LRP1B: variants seen among roughly 807,000 people sequenced by gnomAD.
LRP1B encodes LDL receptor related protein 1B, also known as low-density lipoprotein receptor-related protein 1B.
A neutral mutation model predicts 556.6 loss-of-function variants in LRP1B; 217 were observed. The ratio of observed to expected loss-of-function variants is 0.39; its 90% confidence interval spans 0.35 to 0.44. The LOEUF is 0.44. LRP1B is among the 20% of genes least tolerant of loss of function. The probability of loss-of-function intolerance (pLI) is 1.00; values close to 1 mark genes in which losing one functional copy is unlikely to be tolerated. For synonymous variants in LRP1B, 2,047 were observed against 1,865.8 expected, an observed-to-expected ratio of 1.10 and a Z score of -2.50; for missense variants, 5,053 against 5,620.8, an observed-to-expected ratio of 0.90 and a Z score of 3.23.
intron 22 of LRP1B, among the ~76,000 whole-genome samples, chr2:140,905,119 T>C (rs892810246): frequency 2.0e-5 from 3 of 152,106 alleles, no homozygotes; most frequent in African/African-American, 7.2e-5. Flanking sequence ...CAAACACTAG[T>C]CAGGATCCTC....
At chr2:141,619,007 AT>A (rs1210562255) in intron 2 of LRP1B, among the ~76,000 whole-genome samples, 1 of 152,192 alleles carries the variant, frequency 6.6e-6, no homozygotes, top group Non-Finnish European at 1.5e-5. Flanking sequence ...AGTTTCAAGG[AT>A]TTTATCTGCT....
intron 1 of LRP1B, among the ~76,000 whole-genome samples, chr2:141,983,858 C>G (rs1194402199): frequency 1.3e-5 from 2 of 152,056 alleles, no homozygotes; most frequent in Admixed American, 6.6e-5. Context: ...GTCAGGAGTT[C>G]GACACCGGCC....
rs537198407 is a variant in LRP1B at position 141,006,152 on chromosome 2, G to T, written c.2381-695C>A. Among the ~76,000 whole-genome samples the T allele has an allele frequency of 4.9e-4, 75 of 152,004 alleles. 1 individual carries two copies. The highest frequency in any genetic ancestry group is 1.5e-3 in the African/African-American group (62 of 41,488). ...CCCTTGCAGACTCTCAGATAAAATC[G>T]AGTAATTATTTTTAAATCGACAAGT... On this transcript the variant is annotated intron_variant, in intron 14 of 90. Transcript: ENST00000389484.
At chr2:140,364,865 G>C (rs1342838191) in intron 71 of LRP1B, 82 bp from the exon 72 acceptor site, 4 of 1,274,710 alleles carry the variant, frequency 3.1e-6, no homozygotes, top group Non-Finnish European at 3.3e-6. Context: ...CTGAATCTTA[G>C]CAAACAGTAT....
chr2:141,294,598 G>A (rs1686110185), intron 3 of LRP1B, among the ~76,000 whole-genome samples: 2 of 151,590 alleles, frequency 1.3e-5, no homozygotes, highest in African/African-American at 4.8e-5. Flanking sequence ...AAATTAGCTG[G>A]ATGCCATGGC....
At chr2:140,578,985 G>A (rs76439922) in intron 43 of LRP1B, among the ~76,000 whole-genome samples, 2,263 of 152,098 alleles carry the variant, frequency 0.015, 25 homozygotes, top group Non-Finnish European at 0.019. Context: ...AACAGAAGGA[G>A]GAAGTCTATC....
chr2:140,834,531 C>A (rs1236591389), intron 31 of LRP1B, among the ~76,000 whole-genome samples: 3 of 152,304 alleles, frequency 2.0e-5, no homozygotes, highest in South Asian at 4.1e-4. Context: ...AGCCCCCGCG[C>A]CTGGCCATAA....
chr2:141,952,425 T>C (rs747015714), intron 1 of LRP1B, among the ~76,000 whole-genome samples: 4 of 152,188 alleles, frequency 2.6e-5, no homozygotes, highest in African/African-American at 7.2e-5. Flanking sequence ...TATTTCTATA[T>C]AGATGCCTTG....
At chr2:141,096,740 A>G (rs1343974651) in intron 7 of LRP1B, among the ~76,000 whole-genome samples, 1 of 151,808 alleles carries the variant, frequency 6.6e-6, no homozygotes, top group African/African-American at 2.4e-5. Context: ...ATGGTCAAGT[A>G]ACATTTTAAA....
chr2:140,401,377 G>A (rs549688975), intron 66 of LRP1B, among the ~76,000 whole-genome samples: 38 of 152,278 alleles, frequency 2.5e-4, no homozygotes, highest in African/African-American at 8.4e-4. Context: ...ATCTGGGTGA[G>A]GCTTCCTGCT....
intron 62 of LRP1B, 54 bp from the exon 63 acceptor site, chr2:140,450,715 T>C: frequency 8.1e-7 from 1 of 1,238,954 alleles, no homozygotes; most frequent in Non-Finnish European, 1.2e-6. Context: ...GCATATATAA[T>C]GGATAATTTA....
At chr2:140,372,615 G>T (rs1416225521) in intron 69 of LRP1B, among the ~76,000 whole-genome samples, 3 of 152,020 alleles carry the variant, frequency 2.0e-5, no homozygotes, top group Non-Finnish European at 2.9e-5. Flanking sequence ...CTGCTTCTTA[G>T]CTAGCATCAC....
chr2:142,002,919 G>T (rs967068408), intron 1 of LRP1B, among the ~76,000 whole-genome samples: 5 of 152,114 alleles, frequency 3.3e-5, no homozygotes, highest in Admixed American at 6.5e-5. Flanking sequence ...TCATGTCTTT[G>T]TACTTTTGTT....
intron 7 of LRP1B, among the ~76,000 whole-genome samples, chr2:141,131,032 G>C (rs921581630): frequency 6.6e-5 from 10 of 151,984 alleles, no homozygotes; most frequent in African/African-American, 2.4e-4. Context: ...TAACACATGT[G>C]GAACTTAAAA....
intron 2 of LRP1B, among the ~76,000 whole-genome samples, chr2:141,497,333 C>T (rs1683543755): frequency 6.6e-6 from 1 of 152,022 alleles, no homozygotes; most frequent in South Asian, 2.1e-4. Flanking sequence ...CCTGCAATTA[C>T]TCACACCTCT....
At chr2:140,895,198 GA>G (rs1261545138) in intron 23 of LRP1B, among the ~76,000 whole-genome samples, 1 of 151,460 alleles carries the variant, frequency 6.6e-6, no homozygotes, top group African/African-American at 2.4e-5. Flanking sequence ...GCCTAATAAT[GA>G]AAAAAATAGA....
chr2:140,511,095 T>C (rs1033697319), intron 51 of LRP1B, among the ~76,000 whole-genome samples: 1 of 152,042 alleles, frequency 6.6e-6, no homozygotes, highest in Non-Finnish European at 1.5e-5. Context: ...GTATATTATC[T>C]CCAGGAAGAA....
chr2:140,582,877 G>A (rs1448042378), intron 43 of LRP1B, among the ~76,000 whole-genome samples: 2 of 152,100 alleles, frequency 1.3e-5, no homozygotes, highest in Non-Finnish European at 2.9e-5. Context: ...CATTCAGCAG[G>A]CCCAAATGCA....
At chr2:140,291,323 T>TTTTTTTTTA (rs1209900014) in intron 84 of LRP1B, among the ~76,000 whole-genome samples, 1 of 135,146 alleles carries the variant, frequency 7.4e-6, no homozygotes, top group Admixed American at 7.6e-5. Flanking sequence ...TATATATTTT[T>TTTTTTTTTA]ATTATACTTT....
Sources: allele counts gnomAD v4.1 joint callset (sites outside exome capture counted in the v4.1 genomes callset), GRCh38; gene constraint gnomAD v4.1.1; transcripts MANE v1.5; gene names NCBI Gene and HGNC (gene_info 2026-07-23, HGNC 2026-07-21).